B3GALT1: variants seen among roughly 807,000 people sequenced by gnomAD.
The protein encoded by B3GALT1 is UDP-Gal:betaGlcNAc beta 1,3-galactosyltransferase, polypeptide 1.
In B3GALT1, 10 loss-of-function variants were observed where a neutral mutation model predicts 23.2. That is an observed-to-expected ratio of 0.43 (90% CI 0.27 to 0.73). The LOEUF (loss-of-function observed/expected upper bound fraction) is 0.73. Among genes scored for constraint, B3GALT1 ranks in the 30% least tolerant of loss-of-function variants. The pLI is 0.21. For synonymous variants in B3GALT1, 156 were observed against 141.5 expected (o/e 1.10, Z -0.73); for missense variants, 299 against 405.4 (o/e 0.74, Z 2.25).
intron 2 of B3GALT1, among the ~76,000 whole-genome samples, chr2:167,521,171 G>A (rs774994994): frequency 2.6e-5 from 4 of 152,044 alleles, no homozygotes; most frequent in Admixed American, 1.3e-4. Context: ...CCATACACGT[G>A]ATGTTTGTTC....
intron 4 of B3GALT1, among the ~76,000 whole-genome samples, chr2:167,854,449 T>C (rs1689962172): frequency 6.6e-6 from 1 of 152,194 alleles, no homozygotes; most frequent in Admixed American, 6.5e-5. Flanking sequence ...AGTGGACACG[T>C]TATTGCTTCT....
At chr2:167,327,714 T>C (rs1186216782) in intron 1 of B3GALT1, among the ~76,000 whole-genome samples, 2 of 152,206 alleles carry the variant, frequency 1.3e-5, no homozygotes. Context: ...GCTTTTTGTT[T>C]CTTTCTCTTG....
chr2:167,573,942 A>G (rs962924479), intron 2 of B3GALT1, among the ~76,000 whole-genome samples: 1 of 151,670 alleles, frequency 6.6e-6, no homozygotes, highest in Admixed American at 6.6e-5. Context: ...AAAATTTGCC[A>G]TATGAATTTA....
intron 2 of B3GALT1, among the ~76,000 whole-genome samples, chr2:167,521,985 T>TATATATATATATATATATATATACAC (rs1491425862): frequency 0.027 from 2,801 of 102,768 alleles, 59 homozygotes; most frequent in East Asian, 0.067. Context: ...TGTGTGTGTG[T>TATATATATATATATATATATATACAC]ATATATATAT....
At chr2:167,619,469 T>C (rs1264005605) in intron 2 of B3GALT1, among the ~76,000 whole-genome samples, 3 of 152,008 alleles carry the variant, frequency 2.0e-5, no homozygotes, top group African/African-American at 7.2e-5. Context: ...TCCAGTGGAG[T>C]GCCTGACCGT....
At chr2:167,576,142 G>A (rs1287856559) in intron 2 of B3GALT1, among the ~76,000 whole-genome samples, 1 of 151,720 alleles carries the variant, frequency 6.6e-6, no homozygotes, top group Non-Finnish European at 1.5e-5. Context: ...GGTGATTTTT[G>A]CAAGTTGTCC....
chr2:167,675,558 A>G (rs1381324207), intron 3 of B3GALT1, among the ~76,000 whole-genome samples: 1 of 152,180 alleles, frequency 6.6e-6, no homozygotes, highest in Non-Finnish European at 1.5e-5. Flanking sequence ...CTACACAGGC[A>G]GACTGATACA....
intron 2 of B3GALT1, among the ~76,000 whole-genome samples, chr2:167,596,901 C>A (rs1008328269): frequency 2.0e-5 from 3 of 152,094 alleles, no homozygotes; most frequent in African/African-American, 7.2e-5. Flanking sequence ...ATAGATTACA[C>A]AAATGTCAAA....
At chr2:167,355,460 A>G (rs917846256) in intron 1 of B3GALT1, among the ~76,000 whole-genome samples, 5 of 152,156 alleles carry the variant, frequency 3.3e-5, no homozygotes, top group African/African-American at 7.2e-5. Flanking sequence ...ACTCATATCT[A>G]TGTATTGTAT....
chr2:167,639,704 AT>A (rs1279302282), intron 2 of B3GALT1, among the ~76,000 whole-genome samples: 8 of 151,614 alleles, frequency 5.3e-5, no homozygotes, highest in Non-Finnish European at 8.8e-5. Flanking sequence ...AATACACTAA[AT>A]TTTTTTTTCT....
intron 1 of B3GALT1, among the ~76,000 whole-genome samples, chr2:167,472,675 G>T (rs374915639): frequency 6.6e-6 from 1 of 152,114 alleles, no homozygotes; most frequent in South Asian, 2.1e-4. Context: ...TGAATGTTCC[G>T]TGCTCTTCCT....
At chr2:167,619,163 A>G (rs1245613820) in intron 2 of B3GALT1, among the ~76,000 whole-genome samples, 1 of 151,606 alleles carries the variant, frequency 6.6e-6, no homozygotes, top group Non-Finnish European at 1.5e-5. Context: ...TTTTATCTGT[A>G]TGCACTCCTA....
At chr2:167,747,119 A>C (rs967302193) in intron 3 of B3GALT1, among the ~76,000 whole-genome samples, 2 of 151,992 alleles carry the variant, frequency 1.3e-5, no homozygotes, top group African/African-American at 4.8e-5. Context: ...TGCCACTGTC[A>C]GTGTTTGGGG....
chr2:167,371,452 T>G (rs1330361336), intron 1 of B3GALT1, among the ~76,000 whole-genome samples: 1 of 152,192 alleles, frequency 6.6e-6, no homozygotes, highest in Admixed American at 6.5e-5. Flanking sequence ...CCACTTCATA[T>G]ATAATGAGAA....
intron 2 of B3GALT1, among the ~76,000 whole-genome samples, chr2:167,518,712 TG>T (rs1024504414): frequency 1.1e-4 from 16 of 152,220 alleles, no homozygotes; most frequent in Non-Finnish European, 2.4e-4. Flanking sequence ...ATCCTCTATT[TG>T]TTAGAACTTC....
chr2:167,595,899 G>C (rs1187510426), intron 2 of B3GALT1, among the ~76,000 whole-genome samples: 1 of 152,150 alleles, frequency 6.6e-6, no homozygotes, highest in Non-Finnish European at 1.5e-5. Flanking sequence ...TTATTCCAGA[G>C]GGATTTAAGC....
intron 2 of B3GALT1, among the ~76,000 whole-genome samples, chr2:167,619,261 C>G (rs1003187693): frequency 6.6e-6 from 1 of 151,916 alleles, no homozygotes; most frequent in African/African-American, 2.4e-5. Flanking sequence ...CCCCCTGTCC[C>G]CTCCCCATTG....
intron 1 of B3GALT1, among the ~76,000 whole-genome samples, chr2:167,406,480 A>G (rs1231299076): frequency 6.6e-6 from 1 of 152,106 alleles, no homozygotes; most frequent in Non-Finnish European, 1.5e-5. Context: ...CACATCCACA[A>G]TGCCCCTCCC....
chr2:167,565,198 T>C (rs10197572), intron 2 of B3GALT1, among the ~76,000 whole-genome samples: 1,773 of 152,198 alleles, frequency 0.012, 11 homozygotes, highest in Non-Finnish European at 0.019. Context: ...TCAGAAATAA[T>C]GCTGCATATC....
Sources: gnomAD v4.1 joint callset for allele counts (sites outside exome capture counted in the v4.1 genomes callset) on GRCh38, gnomAD v4.1.1 for gene constraint, MANE v1.5 for transcripts, NCBI Gene and HGNC (gene_info 2026-07-23, HGNC 2026-07-21) for gene names.